Variants in KBTBD11 observed in about 807,000 individuals in gnomAD.
KBTBD11 encodes kelch repeat and BTB domain-containing protein 11.
For missense variants in KBTBD11, 1,390 were observed against 1,001.8 expected (o/e 1.39, Z -5.23); for synonymous variants, 747 against 499.0 (o/e 1.50, Z -6.63).
At chr8:1,981,295 A>T (rs1344207492) in intron 1 of KBTBD11, among the ~76,000 whole-genome samples, 5 of 152,260 alleles carry the variant, frequency 3.3e-5, no homozygotes, top group Non-Finnish European at 7.3e-5. Context: ...GCTTAAGGGA[A>T]TTCTTCTAGC....
At chr8:1,988,261 T>A (rs1312152442) in intron 1 of KBTBD11, among the ~76,000 whole-genome samples, 1 of 152,216 alleles carries the variant, frequency 6.6e-6, no homozygotes, top group African/African-American at 2.4e-5. Flanking sequence ...ATGGGATGGC[T>A]GGGTCAAATG....
In KBTBD11 at chr8:2,002,851, C is replaced by G; in HGVS notation, c.1659C>G (p.Phe553Leu). ...LPGGPTGLQPFRCAALDGAIY... is the reference protein window; with the variant it reads ...LPGGPTGLQPLRCAALDGAIY... ...GCGGCCCCACGGGCCTGCAGCCCTTCCGCTGCGCCGCCCTGGACGGCGCCA... is the reference window on the plus strand; with the variant it reads ...GCGGCCCCACGGGCCTGCAGCCCTTGCGCTGCGCCGCCCTGGACGGCGCCA... The change falls in exon 2 of 2, where the codon TTC becomes TTG. Residue 553 changes from phenylalanine to leucine, a missense_variant. Physicochemically the swap from Phe to Leu is conservative, Grantham distance 22. Coordinates refer to ENST00000320248, the MANE Select transcript of KBTBD11 (RefSeq NM_014867.3). This position sits in a 1 kb window ranked among gnomAD's most constrained non-coding sequence, Gnocchi z 4.1. 2 of 1,398,006 alleles carry G rather than the reference C, an allele frequency of 1.4e-6. No homozygotes were observed. The highest frequency in any genetic ancestry group is 3.0e-5 in the East Asian group (1 of 32,918). The allele number at this position is 1,398,006 out of a possible 1,614,324, so 86.6% of individuals were successfully genotyped here.
At chr8:1,984,728 T>C (rs1051058147) in intron 1 of KBTBD11, among the ~76,000 whole-genome samples, 1 of 152,190 alleles carries the variant, frequency 6.6e-6, no homozygotes, top group Non-Finnish European at 1.5e-5. Flanking sequence ...TTTGGGCAGA[T>C]GTGGCAGACT....
At position 1,973,947 on chromosome 8, in the gene KBTBD11, C is replaced by T. The variant is rs1451084684; in HGVS notation, c.-909+12C>T. 6 of 982,788 alleles carry T rather than the reference C, an allele frequency of 6.1e-6. No individual in the cohort carries two copies. Among genetic ancestry groups the T allele is most frequent in the Non-Finnish European group, 6.0e-6 (5 of 828,524 alleles). 60.9% of individuals were successfully genotyped at this position (982,788 alleles called of 1,614,324 possible). A position where few individuals can be genotyped will look rare whatever the true frequency, so the allele number is the denominator to read the frequency against. On this transcript the variant is annotated intron_variant, in intron 1 of 1. Transcript: ENST00000320248. ...GGAGCCGCGGCGAGGTAGGGCGGAC[C>T]CCGGGGAGGCAGCGGCGGGGCCTGG...
At chr8:1,996,928 ATATT>A (rs1817162714) in intron 1 of KBTBD11, among the ~76,000 whole-genome samples, 1 of 152,140 alleles carries the variant, frequency 6.6e-6, no homozygotes, top group African/African-American at 2.4e-5. Context: ...AATACTATTT[ATATT>A]TAATTAGCCC....
At position 2,006,862 on chromosome 8, in the gene KBTBD11, G is replaced by A. The variant is rs758950238; in HGVS notation, c.*3798G>A. On this transcript the variant is annotated 3_prime_UTR_variant, in exon 2 of 2. Coordinates refer to ENST00000320248, the MANE Select transcript of KBTBD11 (RefSeq NM_014867.3). ...TAATGCTTGACTTTTAAAATCCTGG[G>A]CATAAATAGTGCAGAGCCTCGTATG... 4 of 167,036 alleles carry A rather than the reference G, an allele frequency of 2.4e-5. No individual in the cohort carries two copies. The highest frequency in any genetic ancestry group is 5.9e-5 in the Non-Finnish European group (4 of 68,128). 10.3% of individuals were successfully genotyped at this position (167,036 alleles called of 1,614,324 possible). A position where few individuals can be genotyped will look rare whatever the true frequency, so the allele number is the denominator to read the frequency against.
intron 1 of KBTBD11, among the ~76,000 whole-genome samples, chr8:1,993,041 G>C (rs1816975643): frequency 1.3e-5 from 2 of 152,136 alleles, no homozygotes; most frequent in South Asian, 4.1e-4. Context: ...CCGGGCTCAA[G>C]TGATCCTCTG....
At chr8:1,986,963 A>G (rs1472163203) in intron 1 of KBTBD11, among the ~76,000 whole-genome samples, 1 of 139,504 alleles carries the variant, frequency 7.2e-6, no homozygotes, top group Non-Finnish European at 1.5e-5. Flanking sequence ...AGGGGAGCCC[A>G]GGAGTTGAAG....
chr8:1,974,312 C>T (rs1816242318), intron 1 of KBTBD11: 1 of 984,566 alleles, frequency 1.0e-6, no homozygotes, highest in Non-Finnish European at 1.2e-6. Flanking sequence ...CAATGAGCCG[C>T]CCGCGCCGCG....
At chr8:1,975,038 A>G (rs1816284847) in intron 1 of KBTBD11, 1 of 152,224 alleles carries the variant, frequency 6.6e-6, no homozygotes, top group South Asian at 2.1e-4. Context: ...ATGTCAATGG[A>G]ACCCTTCAGC....
intron 1 of KBTBD11, among the ~76,000 whole-genome samples, chr8:1,998,887 T>C (rs923702876): frequency 8.5e-5 from 13 of 152,166 alleles, no homozygotes; most frequent in Non-Finnish European, 1.6e-4. Context: ...CACCGTTACA[T>C]TGTGGTCCTT....
intron 1 of KBTBD11, among the ~76,000 whole-genome samples, chr8:1,980,407 A>G (rs1410554002): frequency 6.6e-6 from 1 of 152,030 alleles, no homozygotes; most frequent in Non-Finnish European, 1.5e-5. Context: ...TTGTATTTTT[A>G]GTACAGATGG....
Position 2,001,373 on chromosome 8 carries a change from G to A in KBTBD11, c.181G>A (p.Ala61Thr), listed in dbSNP as rs1390328781. Residue 61 changes from alanine (A) to threonine (T), a missense_variant, in exon 2 of 2, where the codon GCG becomes ACG. Ala to Thr is a moderately conservative substitution (Grantham distance 58). Coordinates refer to ENST00000320248, the MANE Select transcript of KBTBD11 (RefSeq NM_014867.3). The stretch of plus-strand genomic sequence containing the variant: ...GTCCCTCGCCTCAGCGGCGGAAGGC[G>A]CGGCCACCTCCCCGCCCTCCAGCGG... ...PQSLASAAEGAATSPPSSGGP... is the reference protein window; with the variant it reads ...PQSLASAAEGTATSPPSSGGP... 3.4e-6 allele frequency: 5 copies of A among 1,470,708 alleles called. No individual in the cohort carries two copies. Among genetic ancestry groups the A allele is most frequent in the Non-Finnish European group, 3.6e-6 (4 of 1,115,144 alleles). 91.1% of individuals were successfully genotyped at this position (1,470,708 alleles called of 1,614,324 possible). A position where few individuals can be genotyped will look rare whatever the true frequency, so the allele number is the denominator to read the frequency against.
intron 1 of KBTBD11, among the ~76,000 whole-genome samples, chr8:1,988,198 G>C (rs1308598263): frequency 3.3e-5 from 5 of 152,180 alleles, no homozygotes; most frequent in African/African-American, 2.4e-5. Context: ...ACATACGTGT[G>C]CATGTGTCTT....
intron 1 of KBTBD11, 87 bp downstream of exon 1, chr8:1,974,022 TGG>T: frequency 4.5e-6 from 1 of 224,050 alleles, no homozygotes; most frequent in Non-Finnish European, 5.9e-6. Context: ...GGGCGGCGGG[TGG>T]GAGGTGGTCG....
At chr8:1,982,356 A>G (rs1487989941) in intron 1 of KBTBD11, among the ~76,000 whole-genome samples, 1 of 152,156 alleles carries the variant, frequency 6.6e-6, no homozygotes. Context: ...AGACCTACAA[A>G]ACAACCAGAA....
In KBTBD11 at chr8:2,001,822, C is replaced by T. The variant is rs1817376216; in HGVS notation, c.630C>T (p.Gly210=). 3 of 1,220,590 alleles carry T rather than the reference C, an allele frequency of 2.5e-6. No individual in the cohort carries two copies. The highest frequency in any genetic ancestry group is 1.6e-5 in the African/African-American group (1 of 62,534). The allele number at this position is 1,220,590 out of a possible 1,614,324, so 75.6% of individuals were successfully genotyped here. A position where few individuals can be genotyped will look rare whatever the true frequency, so the allele number is the denominator to read the frequency against. Residue 210 remains glycine (G), a synonymous_variant, in exon 2 of 2, where the codon GGC becomes GGT. Transcript: ENST00000320248. ...ACAACGTGGCCGAGGTGGTGGCCGG[C>T]GCGCGCCGCCTGCAGCTGCCCGGCG... ...RPDNVAEVVA[G]ARRLQLPGAA...
chr8:2,006,107 T>C lies in KBTBD11; in HGVS notation c.*3043T>C, dbSNP rs1411109134. On this transcript the variant is annotated 3_prime_UTR_variant, in exon 2 of 2. Transcript: ENST00000320248. ...ATGAATGTTGTGGAAATTCTTTGGC[T>C]ACTTAACTAAAACTCGTGACTGTAT... The C allele has an allele frequency of 6.0e-6, 1 of 167,118 alleles. No homozygotes were observed. Among genetic ancestry groups the C allele is most frequent in the Non-Finnish European group, 1.5e-5 (1 of 68,134 alleles). 10.4% of individuals were successfully genotyped at this position (167,118 alleles called of 1,614,324 possible).
Position 1,993,391 on chromosome 8 carries a change from GTCCA to G in KBTBD11, c.-908-6865_-908-6862del, listed in dbSNP as rs1204845271. Among the ~76,000 whole-genome samples the G allele has an allele frequency of 1.9e-3, 189 of 97,950 alleles. 1 individual carries two copies. The highest frequency in any genetic ancestry group is 6.4e-3 in the Middle Eastern group (1 of 156). The allele number at this position is 97,950 out of a possible 152,430, so 64.3% of individuals were successfully genotyped here. On this transcript the variant is annotated intron_variant, in intron 1 of 1. Coordinates refer to ENST00000320248, the MANE Select transcript of KBTBD11 (RefSeq NM_014867.3). Reference sequence around the variant, plus strand: ...CGTCCGTCCGTCCGTCCGTCCGTCCGTCCATCCATCCATCCATCCATCCATCCAT... The same window carrying G: ...CGTCCGTCCGTCCGTCCGTCCGTCCGTCCATCCATCCATCCATCCATCCAT...
Sources: allele counts gnomAD v4.1 joint callset (sites outside exome capture counted in the v4.1 genomes callset), GRCh38; gene constraint gnomAD v4.1.1; non-coding constraint Gnocchi (gnomAD v3.1); transcripts MANE v1.5; gene names NCBI Gene and HGNC (gene_info 2026-07-23, HGNC 2026-07-21).